The following IARS2 variants were observed in gnomAD, a reference collection of about 807,000 sequenced individuals.
The protein encoded by IARS2 is isoleucyl-tRNA synthetase 2, mitochondrial.
In IARS2, 56 loss-of-function variants were observed where a neutral mutation model predicts 126.3. The ratio of observed to expected loss-of-function variants is 0.44; its 90% CI spans 0.36 to 0.55. The LOEUF is 0.55. Ranked by LOEUF, IARS2 falls within the 20% of genes least tolerant of loss-of-function variation. IARS2 has a pLI of 0.00. For synonymous variants in IARS2, 407 were observed against 441.1 expected (o/e 0.92, Z 0.97); for missense variants, 1,127 against 1,245.9 (o/e 0.90, Z 1.44).
At chr1:220,124,927 G>T (rs932993506) in intron 12 of IARS2, among the ~76,000 whole-genome samples, 16 of 152,212 alleles carry the variant, frequency 1.1e-4, no homozygotes, top group African/African-American at 3.9e-4. Context: ...AGAACTGAGA[G>T]AATGTGTTGG....
At position 220,137,932 on chromosome 1, in the gene IARS2, G is replaced by A. The variant is rs1372951085; in HGVS notation, c.2064G>A (p.Glu688=). 2 of 1,614,086 alleles carry A rather than the reference G, an allele frequency of 1.2e-6. No homozygotes were observed. Among genetic ancestry groups the A allele is most frequent in the South Asian group, 2.2e-5 (2 of 91,084 alleles). The part of the protein sequence containing the change: ...VVNGGQDQSK[E]PPYGADVLRW... ...TCAATGAAAAGGATCAAAGCAAAGA[G>A]CCTCCGTATGGTGCTGATGTCCTTC... is the stretch of plus-strand genomic sequence containing the variant. The change falls in exon 17 of 23, where the codon GAG becomes GAA. Residue 688 remains glutamate, a synonymous_variant. Coordinates refer to ENST00000366922, the MANE Select transcript of IARS2 (RefSeq NM_018060.4).
In IARS2 at chr1:220,107,194, G is replaced by A. The variant is rs373555329; in HGVS notation, c.1327+43G>A. 12 of 1,269,374 alleles carry A rather than the reference G, an allele frequency of 9.5e-6. No individual in the cohort carries two copies. In the Admixed American group the frequency reaches 2.0e-4, roughly 22 times the overall value. 78.6% of individuals were successfully genotyped at this position (1,269,374 alleles called of 1,614,324 possible). A position where few individuals can be genotyped will look rare whatever the true frequency, so the allele number is the denominator to read the frequency against. ...TGATATCATACATGTTTTCTGAAAA[G>A]TAGGTAGCAGTAACCTTTGCTACCT... On this transcript the variant is annotated intron_variant, in intron 10 of 22. Transcript: ENST00000366922.
At position 220,138,028 on chromosome 1, in the gene IARS2, A is replaced by AGAT; in HGVS notation, c.2164_2166dup (p.Asp722dup). On this transcript the variant is annotated inframe_insertion, in exon 17 of 23. Coordinates refer to ENST00000366922, the MANE Select transcript of IARS2 (RefSeq NM_018060.4). ...GCCCATCCGTGCTCAATGCTGCCAG[A>AGAT]GATGATATTAGCAAGGTTAGAACTA... 1.2e-6 allele frequency: 2 copies of AGAT among 1,614,162 alleles called. No individual in the cohort carries two copies. The highest frequency in any genetic ancestry group is 1.7e-6 in the Non-Finnish European group (2 of 1,180,014).
At chr1:220,135,812 A>ATTT (rs1282331832) in intron 15 of IARS2, among the ~76,000 whole-genome samples, 30 of 126,122 alleles carry the variant, frequency 2.4e-4, no homozygotes, top group African/African-American at 5.2e-4. Flanking sequence ...TTCATTTAAA[A>ATTT]TTTTTTTTTT....
chr1:220,132,381 G>A (rs942957538), intron 14 of IARS2, among the ~76,000 whole-genome samples: 24 of 151,924 alleles, frequency 1.6e-4, no homozygotes, highest in African/African-American at 4.4e-4. Flanking sequence ...ATTTCTTCCC[G>A]GTTTAATCTT....
At position 220,140,176 on chromosome 1, in the gene IARS2, T is replaced by A; in HGVS notation, c.2308-7T>A. On this transcript the variant is annotated splice_region_variant and splice_polypyrimidine_tract_variant and intron_variant, in intron 18 of 22. Transcript: ENST00000366922. ...GCTTCCAAATTTATTTTGGCTTTGTTCCCTAGATTACCGAATTATACAAAC... is the reference window on the plus strand; with the variant it reads ...GCTTCCAAATTTATTTTGGCTTTGTACCCTAGATTACCGAATTATACAAAC... The A allele has an allele frequency of 6.4e-7, 1 of 1,567,860 alleles. No homozygotes were observed. Among genetic ancestry groups the A allele is most frequent in the Non-Finnish European group, 8.8e-7 (1 of 1,138,756 alleles).
chr1:220,136,871 G>C lies in IARS2; in HGVS notation c.2009G>C (p.Gly670Ala). The C allele has an allele frequency of 1.2e-6, 2 of 1,611,510 alleles. No individual in the cohort carries two copies. The highest frequency in any genetic ancestry group is 1.7e-6 in the Non-Finnish European group (2 of 1,178,038). ...EKGEKMSKSLGNVIHPDVVVN... is the reference protein window; with the variant it reads ...EKGEKMSKSLANVIHPDVVVN... ...GGAGAAAAGATGTCCAAGTCTCTTG[G>C]GAATGTCATTCATCCTGATGTTGTC... The change falls in exon 16 of 23, where the codon GGG becomes GCG. Residue 670 changes from glycine to alanine, a missense_variant. By Grantham distance (60) the Gly-to-Ala change is moderately conservative (BLOSUM62 0). Coordinates refer to ENST00000366922, the MANE Select transcript of IARS2 (RefSeq NM_018060.4).
intron 12 of IARS2, 62 bp from the exon 13 acceptor site, chr1:220,125,175 A>G: frequency 1.1e-6 from 1 of 937,686 alleles, no homozygotes; most frequent in Non-Finnish European, 1.6e-6. Flanking sequence ...CTTAATTTTA[A>G]AATGTTTGTT....
chr1:220,123,765 C>T (rs1005847354), intron 12 of IARS2, among the ~76,000 whole-genome samples: 1 of 152,240 alleles, frequency 6.6e-6, no homozygotes, highest in African/African-American at 2.4e-5. Flanking sequence ...GCGTGAGCCA[C>T]TGCTCCTGGC....
intron 12 of IARS2, among the ~76,000 whole-genome samples, chr1:220,117,050 A>T (rs1285445153): frequency 1.3e-5 from 2 of 151,660 alleles, no homozygotes; most frequent in Non-Finnish European, 2.9e-5. Flanking sequence ...CCAGCCTCAG[A>T]CTTAGTTTAA....
At chr1:220,125,578 CAGAT>C (rs1229411433) in intron 13 of IARS2, among the ~76,000 whole-genome samples, 4 of 152,240 alleles carry the variant, frequency 2.6e-5, no homozygotes, top group Non-Finnish European at 1.5e-5. Flanking sequence ...CTGAGGCAGA[CAGAT>C]AGCTTGAGTC....
At chr1:220,126,111 A>C (rs1657151028) in intron 13 of IARS2, among the ~76,000 whole-genome samples, 1 of 150,678 alleles carries the variant, frequency 6.6e-6, no homozygotes, top group Non-Finnish European at 1.5e-5. Flanking sequence ...TGTCTCAAAA[A>C]AAAAAAAAAA....
intron 20 of IARS2, 152 bp from the exon 21 acceptor site, chr1:220,142,792 T>TAA (rs1330856901): frequency 2.2e-5 from 10 of 452,642 alleles, no homozygotes; most frequent in African/African-American, 2.0e-4. Context: ...AAATGTTTTG[T>TAA]AAATAATTAG....
intron 14 of IARS2, 146 bp downstream of exon 14, chr1:220,126,989 GT>G (rs1196098520): frequency 5.4e-6 from 3 of 556,124 alleles, no homozygotes; most frequent in Non-Finnish European, 9.3e-6. Flanking sequence ...GACCCTTAGA[GT>G]TTACTTAATC....
At chr1:220,100,039 C>T (rs557355390) in intron 2 of IARS2, among the ~76,000 whole-genome samples, 2 of 152,126 alleles carry the variant, frequency 1.3e-5, no homozygotes, top group Non-Finnish European at 2.9e-5. Flanking sequence ...TATCCTTTGC[C>T]TTTGATTCCT....
chr1:220,137,259 G>A (rs556786056), intron 16 of IARS2, among the ~76,000 whole-genome samples: 51 of 152,264 alleles, frequency 3.3e-4, no homozygotes, highest in Non-Finnish European at 6.3e-4. Flanking sequence ...GCACATTGCT[G>A]TCTGAAGTGA....
chr1:220,098,692 TA>T lies in IARS2; in HGVS notation c.391-1794del, dbSNP rs564594460. Among the ~76,000 whole-genome samples the T allele has an allele frequency of 1.1e-3, 165 of 152,302 alleles. 1 individual carries two copies. Among genetic ancestry groups the T allele is most frequent in the African/African-American group, 3.8e-3 (156 of 41,568 alleles). Reference sequence around the variant, plus strand: ...GAAAGGAACAGAGATAAATGACTCTTAAAAGTATGGAGGAACTTTTTTTGGG... The same window carrying T: ...GAAAGGAACAGAGATAAATGACTCTTAAAGTATGGAGGAACTTTTTTTGGG... On this transcript the variant is annotated intron_variant, in intron 2 of 22. Coordinates refer to ENST00000366922, the MANE Select transcript of IARS2 (RefSeq NM_018060.4).
rs762954815 is a variant in IARS2, at chr1:220,102,177, T to C, written c.599T>C (p.Ile200Thr). 6.2e-7 allele frequency: 1 copy of C among 1,611,834 alleles called. No homozygotes were observed. Among genetic ancestry groups the C allele is most frequent in the South Asian group, 1.1e-5 (1 of 90,308 alleles). The change falls in exon 4 of 23, where the codon ATT (isoleucine) becomes ACT (threonine). Residue 200 changes from isoleucine to threonine, a missense_variant. Coordinates refer to ENST00000366922, the MANE Select transcript of IARS2 (RefSeq NM_018060.4). Reference sequence around the variant, plus strand: ...ATTGAGAAACAGAAATCAGCATTTATTCGTTGGGGAATAATGGCAGATTGG... The same window carrying C: ...ATTGAGAAACAGAAATCAGCATTTACTCGTTGGGGAATAATGGCAGATTGG... ...AAIEKQKSAFIRWGIMADWNN... is the reference protein window; with the variant it reads ...AAIEKQKSAFTRWGIMADWNN...
At chr1:220,113,060 T>C (rs1407759466) in intron 11 of IARS2, among the ~76,000 whole-genome samples, 3 of 152,062 alleles carry the variant, frequency 2.0e-5, no homozygotes, top group African/African-American at 7.2e-5. Flanking sequence ...AGACGGAGTT[T>C]CTCCATGTTG....
Sources: gnomAD v4.1 joint callset for allele counts (sites outside exome capture counted in the v4.1 genomes callset) on GRCh38, gnomAD v4.1.1 for gene constraint, MANE v1.5 for transcripts, NCBI Gene and HGNC (gene_info 2026-07-23, HGNC 2026-07-21) for gene names.